HIP1R: variants seen among roughly 807,000 people sequenced by gnomAD.
HIP1R encodes huntingtin interacting protein 1 related.
A neutral mutation model predicts 144.2 loss-of-function variants in HIP1R; 135 were observed. The observed-to-expected ratio is 0.94, with a 90% CI of 0.81 to 1.08. The LOEUF (loss-of-function observed/expected upper bound fraction) is 1.08. HIP1R is among the 50% of genes least tolerant of loss of function. HIP1R has a pLI of 0.00. For synonymous variants in HIP1R, 698 were observed against 612.8 expected (o/e 1.14, Z -2.05); for missense variants, 1,462 against 1,432.8 (o/e 1.02, Z -0.33).
rs934246841 is a variant in HIP1R, at chr12:122,850,831, A to G, written c.439-4A>G. 2.5e-6 allele frequency: 4 copies of G among 1,607,802 alleles called. No individual in the cohort carries two copies. Among genetic ancestry groups the G allele is most frequent in the Middle Eastern group, 3.4e-4 (2 of 5,838 alleles). ...TGGCCGCTGGGTGGGGGTTCTCTCC[A>G]CAGCATCCCCAGTTTCCCGCGGGCC... On this transcript the variant is annotated splice_polypyrimidine_tract_variant and splice_region_variant and intron_variant, in intron 5 of 31. Transcript: ENST00000253083.
chr12:122,859,400 C>T (rs764865704), intron 22 of HIP1R, 26 bp from the exon 23 acceptor site: 6 of 1,590,572 alleles, frequency 3.8e-6, no homozygotes, highest in Non-Finnish European at 5.2e-6. Context: ...CGGAGGCTAC[C>T]CCTGTCTGAC....
Position 122,861,218 on chromosome 12 carries a change from C to T in HIP1R, c.2952+26C>T, listed in dbSNP as rs368779852. ...GTAGGCGCCCATGGCTGCCCCGTGACCTCTGAGCTCATCCCTCGGGCGAAG... is the reference window on the plus strand; with the variant it reads ...GTAGGCGCCCATGGCTGCCCCGTGATCTCTGAGCTCATCCCTCGGGCGAAG... On this transcript the variant is annotated intron_variant, in intron 30 of 31. Coordinates refer to ENST00000253083, the MANE Select transcript of HIP1R (RefSeq NM_003959.3). 4.9e-5 allele frequency: 79 copies of T among 1,612,450 alleles called. No individual in the cohort carries two copies. The African/African-American group carries it at 9.0e-4, about 18-fold the overall frequency.
At chr12:122,847,913 C>T in intron 1 of HIP1R, 118 bp from the exon 2 acceptor site, 1 of 849,542 alleles carries the variant, frequency 1.2e-6, no homozygotes, top group Admixed American at 2.3e-5. Flanking sequence ...TCCCCCATCG[C>T]TCCACTGGCC....
chr12:122,836,553 G>C lies in HIP1R; in HGVS notation c.93+910G>C, dbSNP rs912908525. Among the ~76,000 whole-genome samples the C allele has an allele frequency of 6.6e-6, 1 of 152,170 alleles. No individual in the cohort carries two copies. Among genetic ancestry groups the C allele is most frequent in the Non-Finnish European group, 1.5e-5 (1 of 68,032 alleles). On this transcript the variant is annotated intron_variant, in intron 1 of 31. Transcript: ENST00000253083. This position sits in a 1 kb window ranked among gnomAD's most constrained non-coding sequence, Gnocchi z 4.1. ...AACTCTTGAAGTGCTCTCAGGCTTG[G>C]GGGATGGGCGGTGGAGGGGGGCATA...
chr12:122,859,362 C>T lies in HIP1R; in HGVS notation c.2296-64C>T, dbSNP rs1057074481. On this transcript the variant is annotated intron_variant, in intron 22 of 31. Coordinates refer to ENST00000253083, the MANE Select transcript of HIP1R (RefSeq NM_003959.3). ...GATCCCTGTGGTCCCCAACCTCTTT[C>T]CCAGGCTGCCCGTGGGACGGGGGGG... 3.9e-6 allele frequency: 6 copies of T among 1,523,100 alleles called. No individual in the cohort carries two copies. In the African/African-American group the frequency reaches 6.9e-5, roughly 18 times the overall value. 94.3% of individuals were successfully genotyped at this position (1,523,100 alleles called of 1,614,324 possible). A position where few individuals can be genotyped will look rare whatever the true frequency, so the allele number is the denominator to read the frequency against.
intron 3 of HIP1R, 48 bp downstream of exon 3, chr12:122,848,656 C>T (rs747978801): frequency 4.1e-5 from 65 of 1,595,620 alleles, no homozygotes; most frequent in Non-Finnish European, 4.8e-5. Flanking sequence ...GGCACTGTCC[C>T]GCGGACATGC....
intron 1 of HIP1R, among the ~76,000 whole-genome samples, chr12:122,844,835 C>CTCTG (rs1421248390): frequency 7.9e-5 from 12 of 152,236 alleles, no homozygotes. Flanking sequence ...ACCAGCCAGC[C>CTCTG]TCTGGCCTGT....
rs1409717058 is a variant in HIP1R at position 122,835,500 on chromosome 12, G to A, written c.-51G>A. Reference sequence around the variant, plus strand: ...CTAGGCTGGGGCTGCCGGACCGTGAGGCTGTGAGTCGCGCGGACGGAGCCG... The same window carrying A: ...CTAGGCTGGGGCTGCCGGACCGTGAAGCTGTGAGTCGCGCGGACGGAGCCG... On this transcript the variant is annotated 5_prime_UTR_variant, in exon 1 of 32. Transcript: ENST00000253083. The A allele has an allele frequency of 4.7e-6, 6 of 1,273,724 alleles. No homozygotes were observed. Among genetic ancestry groups the A allele is most frequent in the Non-Finnish European group, 6.0e-6 (6 of 1,002,814 alleles). 78.9% of individuals were successfully genotyped at this position (1,273,724 alleles called of 1,614,324 possible).
intron 22 of HIP1R, 28 bp from the exon 23 acceptor site, chr12:122,859,398 A>G (rs1223911139): frequency 1.3e-6 from 2 of 1,577,810 alleles, no homozygotes; most frequent in Admixed American, 1.7e-5. Context: ...GACGGAGGCT[A>G]CCCCTGTCTG....
At chr12:122,858,477 C>G (rs202049192) in intron 20 of HIP1R, 42 bp downstream of exon 20, 97 of 1,487,760 alleles carry the variant, frequency 6.5e-5, no homozygotes, top group Admixed American at 2.2e-4. Context: ...GGCTGTGTCC[C>G]AGTTCCAGCG....
chr12:122,861,255 G>A (rs1253691460), intron 30 of HIP1R, 53 bp from the exon 31 acceptor site: 1 of 1,613,438 alleles, frequency 6.2e-7, no homozygotes, highest in Non-Finnish European at 8.5e-7. Context: ...CTGGACCCAG[G>A]AGAGAGCTCC....
chr12:122,850,978 C>A, intron 6 of HIP1R, 67 bp downstream of exon 6: 1 of 1,447,666 alleles, frequency 6.9e-7, no homozygotes, highest in Non-Finnish European at 9.6e-7. Context: ...TACCGCGTCT[C>A]ACGCCCAGGC....
chr12:122,859,957 C>T, intron 24 of HIP1R, 90 bp from the exon 25 acceptor site: 1 of 1,463,448 alleles, frequency 6.8e-7, no homozygotes, highest in Non-Finnish European at 9.2e-7. Flanking sequence ...TCCCTCCCCA[C>T]CTGCTGAGCC....
At chr12:122,858,765 C>T (rs1380914845) in intron 20 of HIP1R, 73 bp from the exon 21 acceptor site, 2 of 1,061,306 alleles carry the variant, frequency 1.9e-6, no homozygotes, top group Non-Finnish European at 2.9e-6. Context: ...GGATAGCTGG[C>T]CACCGACGGT....
In HIP1R at chr12:122,859,648, AGG is replaced by A. The variant is rs2033704674; in HGVS notation, c.2406+113_2406+114del. The A allele has an allele frequency of 2.0e-5, 27 of 1,372,352 alleles. No homozygotes were observed. The Middle Eastern group carries it at 1.1e-3, about 56-fold the overall frequency. 85.0% of individuals were successfully genotyped at this position (1,372,352 alleles called of 1,614,324 possible). A position where few individuals can be genotyped will look rare whatever the true frequency, so the allele number is the denominator to read the frequency against. ...ACTCCTGCTCTCAGCCTCCAGACAG[AGG>A]ACAGATGGCGTTTTCCAGGGGCCTG... On this transcript the variant is annotated intron_variant, in intron 23 of 31. Coordinates refer to ENST00000253083, the MANE Select transcript of HIP1R (RefSeq NM_003959.3).
intron 8 of HIP1R, 75 bp from the exon 9 acceptor site, chr12:122,854,830 G>C: frequency 6.8e-7 from 1 of 1,465,722 alleles, no homozygotes; most frequent in Non-Finnish European, 9.4e-7. Context: ...TGTAGCATAC[G>C]GAGGAACAAG....
chr12:122,859,441 A>G lies in HIP1R; in HGVS notation c.2311A>G (p.Ser771Gly). The G allele has an allele frequency of 6.2e-6, 10 of 1,613,326 alleles. No individual in the cohort carries two copies. Among genetic ancestry groups the G allele is most frequent in the Non-Finnish European group, 8.5e-6 (10 of 1,179,868 alleles). ...LQLGQELKPKSLDVRQEELGA... is the reference protein window; with the variant it reads ...LQLGQELKPKGLDVRQEELGA... ...TCCTCACCAGGAACTGAAACCCAAGAGCCTAGATGTGCGGCAGGAGGAGCT... is the reference window on the plus strand; with the variant it reads ...TCCTCACCAGGAACTGAAACCCAAGGGCCTAGATGTGCGGCAGGAGGAGCT... The change falls in exon 23 of 32, where the codon AGC (serine) becomes GGC (glycine). Residue 771 changes from serine (S) to glycine (G), a missense_variant. Around this residue, in one of 2 missense-constraint regions of HIP1R, gnomAD observed 1,112 missense variants for 1,011.7 expected, o/e 1.10. Transcript: ENST00000253083.
intron 1 of HIP1R, among the ~76,000 whole-genome samples, chr12:122,838,510 T>C (rs139886829): frequency 4.4e-4 from 67 of 152,280 alleles, no homozygotes; most frequent in African/African-American, 1.4e-3. Context: ...GGCTCTAGCC[T>C]GTGTCCCTGG....
At chr12:122,851,203 T>G (rs772076550) in intron 6 of HIP1R, 33 bp from the exon 7 acceptor site, 1 of 1,477,072 alleles carries the variant, frequency 6.8e-7, no homozygotes, top group Non-Finnish European at 9.0e-7. Context: ...CCACCCACCC[T>G]TTTTCATTTC....
Sources: gnomAD v4.1 joint callset for allele counts (sites outside exome capture counted in the v4.1 genomes callset) on GRCh38, gnomAD v4.1.1 for gene constraint, gnomAD v4.1.1 regional missense constraint, Gnocchi (gnomAD v3.1) non-coding constraint, MANE v1.5 for transcripts, NCBI Gene and HGNC (gene_info 2026-07-23, HGNC 2026-07-21) for gene names.